ASIP: variants seen among roughly 807,000 people sequenced by gnomAD.
The protein encoded by ASIP is agouti signaling protein.
In ASIP, 11 loss-of-function variants were observed where a neutral mutation model predicts 10.3. The ratio of observed to expected loss-of-function variants is 1.07; its 90% CI spans 0.68 to 1.78. The LOEUF is 1.78. Ranked by LOEUF, ASIP falls within the 40% of genes most tolerant of loss-of-function variation. The pLI is 0.00. For missense variants in ASIP, 180 were observed against 169.2 expected (o/e 1.06, Z -0.35); for synonymous variants, 70 against 70.8 (o/e 0.99, Z 0.06).
At chr20:34,217,923 T>A (rs974997973) in intron 1 of ASIP, among the ~76,000 whole-genome samples, 2 of 152,232 alleles carry the variant, frequency 1.3e-5, no homozygotes, top group African/African-American at 4.8e-5. Context: ...GCAATTGTCT[T>A]CAGAGTAAAG....
chr20:34,246,077 G>A, intron 1 of ASIP: 3 of 873,042 alleles, frequency 3.4e-6, no homozygotes, highest in South Asian at 2.8e-5. Flanking sequence ...CCATTACTGA[G>A]GCAGCACAGG....
chr20:34,255,499 G>A (rs957632975), intron 1 of ASIP, among the ~76,000 whole-genome samples: 3 of 152,056 alleles, frequency 2.0e-5, no homozygotes, highest in African/African-American at 7.2e-5. Flanking sequence ...GAGACCGAGG[G>A]CACAAGCTGC....
chr20:34,207,099 T>C (rs2034942249), intron 1 of ASIP, among the ~76,000 whole-genome samples: 1 of 152,228 alleles, frequency 6.6e-6, no homozygotes, highest in African/African-American at 2.4e-5. Flanking sequence ...ATAGTGACTG[T>C]ATTAATTTAT....
At chr20:34,255,340 T>G (rs1386604727) in intron 1 of ASIP, among the ~76,000 whole-genome samples, 3 of 152,088 alleles carry the variant, frequency 2.0e-5, no homozygotes, top group African/African-American at 4.8e-5. Context: ...CTTCCTTTCT[T>G]TTCTTTTTTG....
intron 1 of ASIP, among the ~76,000 whole-genome samples, chr20:34,253,116 A>AT (rs1044935696): frequency 4.2e-5 from 6 of 143,140 alleles, no homozygotes; most frequent in Admixed American, 7.0e-5. Flanking sequence ...TTTTTTTTTT[A>AT]TTTTTTTTTT....
intron 1 of ASIP, among the ~76,000 whole-genome samples, chr20:34,252,673 T>TC (rs1030636520): frequency 1.3e-4 from 20 of 151,958 alleles, no homozygotes; most frequent in Non-Finnish European, 1.5e-4. Flanking sequence ...CTTTCACTAC[T>TC]CCCCCTCAGC....
chr20:34,241,562 TAAC>T, intron 1 of ASIP, 73 bp downstream of exon 1: 3 of 979,590 alleles, frequency 3.1e-6, no homozygotes, highest in Non-Finnish European at 3.6e-6. Flanking sequence ...TGAAAGGACT[TAAC>T]AGTTATCCCT....
At chr20:34,257,469 C>T (rs1199981844) in intron 1 of ASIP, among the ~76,000 whole-genome samples, 1 of 151,982 alleles carries the variant, frequency 6.6e-6, no homozygotes, top group Non-Finnish European at 1.5e-5. Flanking sequence ...TTTTTAGCAA[C>T]AATCAGAAGC....
At chr20:34,189,320 G>A in the ASIP span, among the ~76,000 whole-genome samples, 2 of 151,930 alleles carry the variant, frequency 1.3e-5, no homozygotes, top group South Asian at 2.1e-4. Flanking sequence ...TCGGCTCACC[G>A]CAACCTCTAC....
At chr20:34,264,253 T>G (rs2035746770) in intron 3 of ASIP, among the ~76,000 whole-genome samples, 1 of 152,158 alleles carries the variant, frequency 6.6e-6, no homozygotes, top group Non-Finnish European at 1.5e-5. Flanking sequence ...CATAACTGTG[T>G]AAACAACTGC....
chr20:34,201,042 TTC>T (rs2034894635), intron 1 of ASIP, among the ~76,000 whole-genome samples: 3 of 120,674 alleles, frequency 2.5e-5, no homozygotes, highest in African/African-American at 5.9e-5. Context: ...CTTTCTTTCT[TTC>T]TTTCTTTCTT....
chr20:34,223,284 C>A (rs1413640716), intron 1 of ASIP, among the ~76,000 whole-genome samples: 4 of 151,514 alleles, frequency 2.6e-5, no homozygotes, highest in African/African-American at 7.3e-5. Flanking sequence ...CCTGCCGCCC[C>A]GTCTGGGATG....
In ASIP at chr20:34,246,456, G is replaced by A. The variant is rs1381269449; in HGVS notation, c.-11+4967G>A. The A allele has an allele frequency of 1.7e-5, 24 of 1,401,910 alleles. No homozygotes were observed. The East Asian group carries it at 2.3e-4, about 13-fold the overall frequency. The allele number at this position is 1,401,910 out of a possible 1,614,324, so 86.8% of individuals were successfully genotyped here. A position where few individuals can be genotyped will look rare whatever the true frequency, so the allele number is the denominator to read the frequency against. On this transcript the variant is annotated intron_variant, in intron 1 of 3. Transcript: ENST00000374954. ...GAACAGACTCCACAATAAAGGACTCGAAGTGGGTAATTGGCATCTAACTTG... is the reference window on the plus strand; with the variant it reads ...GAACAGACTCCACAATAAAGGACTCAAAGTGGGTAATTGGCATCTAACTTG...
At chr20:34,213,770 T>C in intron 1 of ASIP, 2 of 1,505,078 alleles carry the variant, frequency 1.3e-6, no homozygotes, top group South Asian at 1.1e-5. Context: ...CTTCTGAGAA[T>C]ACCCTTTTGT....
At chr20:34,198,004 T>A (rs560940224) in intron 1 of ASIP, among the ~76,000 whole-genome samples, 2 of 152,120 alleles carry the variant, frequency 1.3e-5, no homozygotes, top group South Asian at 4.2e-4. Flanking sequence ...GAAGAGAGAA[T>A]GGGGTCAGAC....
chr20:34,204,408 G>C (rs7274440), intron 1 of ASIP, among the ~76,000 whole-genome samples: 19,355 of 151,926 alleles, frequency 0.13, 4,203 homozygotes, highest in African/African-American at 0.44. Flanking sequence ...TAGTAAAAAT[G>C]GGGTTTCTCC....
At chr20:34,260,683 T>C in intron 2 of ASIP, 149 bp downstream of exon 2, 1 of 942,010 alleles carries the variant, frequency 1.1e-6, no homozygotes. Context: ...AAGGTGGCCC[T>C]TGACTCATTT....
At chr20:34,223,499 G>T (rs2035067760) in intron 1 of ASIP, among the ~76,000 whole-genome samples, 6 of 151,658 alleles carry the variant, frequency 4.0e-5, no homozygotes, top group African/African-American at 1.5e-4. Context: ...AGGGAGGTGG[G>T]GGGTCAGCCC....
rs557563695 is a variant in ASIP at position 34,209,650 on chromosome 20, C to T, written c.-11+14890C>T. Among the ~76,000 whole-genome samples the T allele has an allele frequency of 3.4e-4, 52 of 152,358 alleles. 1 individual carries two copies. Among genetic ancestry groups the T allele is most frequent in the Middle Eastern group, 6.8e-3 (2 of 294 alleles). ...CACTGTCACAACCCAGCCGTGTGTG[C>T]ATACACTTGGGGCAGTGTTGACATG... is the stretch of plus-strand genomic sequence containing the variant. On this transcript the variant is annotated intron_variant, in intron 1 of 3. Transcript: ENST00000568305.
Sources: allele counts gnomAD v4.1 joint callset (sites outside exome capture counted in the v4.1 genomes callset), GRCh38; gene constraint gnomAD v4.1.1; transcripts MANE v1.5; gene names NCBI Gene and HGNC (gene_info 2026-07-23, HGNC 2026-07-21).